LETMD1: variants seen among roughly 807,000 people sequenced by gnomAD.
LETMD1 encodes the protein LETM1 domain-containing protein 1.
A neutral mutation model predicts 43.9 loss-of-function variants in LETMD1; 30 were observed. That is an observed-to-expected ratio of 0.68 (90% CI 0.51 to 0.93). The LOEUF is 0.93. Ranked by LOEUF, LETMD1 falls within the 40% of genes least tolerant of loss-of-function variation. LETMD1 has a pLI of 0.00. For synonymous variants in LETMD1, 176 were observed against 163.1 expected (o/e 1.08, Z -0.60); for missense variants, 413 against 447.7 (o/e 0.92, Z 0.70).
downstream of LETMD1, chr12:51,064,504 C>T (rs1417155668): frequency 6.2e-7 from 1 of 1,611,978 alleles, no homozygotes; most frequent in African/African-American, 1.3e-5. Context: ...GAGGGCTCCT[C>T]ATCTGGGGCT....
At chr12:51,048,689 C>A in intron 1 of LETMD1, 1 of 647,686 alleles carries the variant, frequency 1.5e-6, no homozygotes, top group African/African-American at 1.8e-5. Context: ...CTGGTTTCCC[C>A]GCGTGTCCTG....
At chr12:51,050,453 C>A (rs1174717937) in intron 2 of LETMD1, among the ~76,000 whole-genome samples, 3 of 151,614 alleles carry the variant, frequency 2.0e-5, no homozygotes, top group African/African-American at 7.3e-5. Context: ...TAACTCCTGA[C>A]CTCGTGATCC....
At chr12:51,066,494 A>G in the LETMD1 span, among the ~76,000 whole-genome samples, 29 of 149,706 alleles carry the variant, frequency 1.9e-4, no homozygotes, top group African/African-American at 6.1e-4. Context: ...TACAACAATT[A>G]GCCGGGCATA....
In LETMD1 at chr12:51,052,158, A is replaced by G. The variant is rs776737794; in HGVS notation, c.341A>G (p.Asn114Ser). The change falls in exon 3 of 9, where the codon AAT becomes AGT. Residue 114 changes from asparagine (N) to serine (S), a missense_variant. Transcript: ENST00000262055. ...ATAAAGACAAATATGTGGAAGCACA[A>G]TATAAAGTTTCATCAACTTCCATAC... ...RRIKTNMWKH[N>S]IKFHQLPYRE... The G allele has an allele frequency of 1.3e-5, 21 of 1,614,108 alleles. No homozygotes were observed. Among genetic ancestry groups the G allele is most frequent in the Non-Finnish European group, 1.7e-5 (20 of 1,179,910 alleles).
chr12:51,056,772 G>C, intron 7 of LETMD1: 1 of 281,548 alleles, frequency 3.6e-6, no homozygotes, highest in South Asian at 4.5e-5. Context: ...TCCTACCTCA[G>C]CCTCCCAAGT....
At chr12:51,065,568 T>G in the LETMD1 span, among the ~76,000 whole-genome samples, 7 of 152,070 alleles carry the variant, frequency 4.6e-5, no homozygotes, top group Non-Finnish European at 5.9e-5. Context: ...CCATCATGGC[T>G]CACTGCAGCC....
chr12:51,050,313 C>G (rs535634467), intron 2 of LETMD1, among the ~76,000 whole-genome samples: 2 of 150,976 alleles, frequency 1.3e-5, no homozygotes, highest in East Asian at 1.9e-4. Flanking sequence ...ACCTCTGCTT[C>G]CCGGATTCAA....
downstream of LETMD1, chr12:51,063,605 T>C (rs1004170859): frequency 1.5e-6 from 1 of 653,438 alleles, no homozygotes; most frequent in East Asian, 2.8e-5. Context: ...ACTCAAACAA[T>C]CCTTTCCCAC....
rs1946312532 is a variant in LETMD1 at position 51,052,007 on chromosome 12, A to G, written c.275-85A>G. On this transcript the variant is annotated intron_variant, in intron 2 of 8. Transcript: ENST00000262055. ...GTTGGGGAGGGGTGAGAGTGTTTGC[A>G]TGTGATTGAACATGGAGTAGGAAGC... The G allele has an allele frequency of 2.4e-6, 3 of 1,237,534 alleles. No individual in the cohort carries two copies. The East Asian group carries it at 7.2e-5, about 30-fold the overall frequency. The allele number at this position is 1,237,534 out of a possible 1,614,324, so 76.7% of individuals were successfully genotyped here. A position where few individuals can be genotyped will look rare whatever the true frequency, so the allele number is the denominator to read the frequency against.
At chr12:51,058,687 T>G in intron 8 of LETMD1, 1 of 159,292 alleles carries the variant, frequency 6.3e-6, no homozygotes, top group Non-Finnish European at 1.4e-5. Flanking sequence ...CTCCCAAAGT[T>G]TTGGGATCAC....
chr12:51,063,919 C>A, downstream of LETMD1: 2 of 1,613,886 alleles, frequency 1.2e-6, no homozygotes, highest in African/African-American at 1.3e-5. Context: ...TTACAATCTT[C>A]GGGCAATAGA....
intron 2 of LETMD1, among the ~76,000 whole-genome samples, chr12:51,051,878 T>C (rs4768959): frequency 0.89 from 135,156 of 152,228 alleles, 60,298 homozygotes; most frequent in East Asian, 0.98. Context: ...AGAAGCCAAA[T>C]GTAGCTAGAA....
intron 2 of LETMD1, among the ~76,000 whole-genome samples, chr12:51,051,209 G>C (rs920248701): frequency 6.6e-6 from 1 of 151,218 alleles, no homozygotes; most frequent in South Asian, 2.1e-4. Flanking sequence ...TTTGAGACCA[G>C]CCTGGCCAAC....
chr12:51,068,030 C>T, the LETMD1 span: 1 of 1,504,028 alleles, frequency 6.6e-7, no homozygotes, highest in Non-Finnish European at 9.2e-7. Context: ...TCCTCAGTGA[C>T]CATCCCAGAG....
In LETMD1 at chr12:51,059,429, T is replaced by G; in HGVS notation, c.1081T>G (p.Ter361GlyextTer32). 2 of 1,613,914 alleles carry G rather than the reference T, an allele frequency of 1.2e-6. No homozygotes were observed. The highest frequency in any genetic ancestry group is 1.7e-6 in the Non-Finnish European group (2 of 1,179,762). Residue 361 changes from the stop codon to glycine (G), a stop_lost, in exon 9 of 9, where the codon TGA becomes GGA. Transcript: ENST00000262055. ...LSTNYLGTRR[*>G] is the part of the protein sequence containing the mutation. ...CACCAACTACCTTGGGACAAGGCGC[T>G]GAATGAACCATGGAGCGGATGGCAT...
At chr12:51,049,213 C>T (rs757537072) in intron 2 of LETMD1, 28 bp downstream of exon 2, 8 of 1,594,080 alleles carry the variant, frequency 5.0e-6, no homozygotes, top group Admixed American at 1.7e-5. Flanking sequence ...ATAGAAATTC[C>T]GGAATCAGCT....
intron 7 of LETMD1, chr12:51,057,643 T>TTTA: frequency 2.4e-5 from 4 of 169,548 alleles, no homozygotes; most frequent in South Asian, 1.2e-4. Context: ...TTTTTTTTTT[T>TTTA]GAGACAGAGT....
chr12:51,050,448 C>T (rs1397267970), intron 2 of LETMD1, among the ~76,000 whole-genome samples: 1 of 151,608 alleles, frequency 6.6e-6, no homozygotes, highest in Non-Finnish European at 1.5e-5. Context: ...GTCTCTAACT[C>T]CTGACCTCGT....
At chr12:51,061,183 C>T (rs370165293), downstream of LETMD1, 11 of 152,100 alleles carry the variant, frequency 7.2e-5, no homozygotes, top group East Asian at 5.8e-4. Context: ...TGTGGCCTGC[C>T]GAGACAAAGA....
Sources: allele counts gnomAD v4.1 joint callset (sites outside exome capture counted in the v4.1 genomes callset), GRCh38; gene constraint gnomAD v4.1.1; transcripts MANE v1.5; gene names NCBI Gene and HGNC (gene_info 2026-07-23, HGNC 2026-07-21).